Variants in MAGI2 observed in about 807,000 individuals in gnomAD.
MAGI2 encodes the protein membrane-associated guanylate kinase, WW and PDZ domain-containing protein 2.
In MAGI2, 35 loss-of-function variants were observed where a neutral mutation model predicts 133.3. The ratio of observed to expected loss-of-function variants is 0.26; its 90% confidence interval spans 0.20 to 0.35. MAGI2 has a LOEUF of 0.35. Ranked by LOEUF, MAGI2 falls within the 10% of genes least tolerant of loss-of-function variation. The pLI is 1.00. For missense variants in MAGI2, 1,636 were observed against 1,863.4 expected (o/e 0.88, Z 2.25); for synonymous variants, 729 against 710.6 (o/e 1.03, Z -0.41).
At chr7:78,103,449 A>G (rs1003151757) in intron 20 of MAGI2, among the ~76,000 whole-genome samples, 13 of 152,236 alleles carry the variant, frequency 8.5e-5, no homozygotes, top group African/African-American at 2.9e-4. Context: ...TTTCATCATC[A>G]TCATACTTGC....
intron 4 of MAGI2, 60 bp from the exon 5 acceptor site, chr7:78,501,847 A>G: frequency 8.0e-7 from 1 of 1,248,616 alleles, no homozygotes; most frequent in East Asian, 2.4e-5. Flanking sequence ...TGGACTGAGT[A>G]TGGAGAATGC....
intron 2 of MAGI2, among the ~76,000 whole-genome samples, chr7:78,671,496 T>C (rs1249662536): frequency 1.3e-5 from 2 of 152,148 alleles, no homozygotes; most frequent in Non-Finnish European, 2.9e-5. Context: ...CAATTTCAAC[T>C]TCTCATTTAA....
chr7:78,235,337 G>A (rs1790416055), intron 10 of MAGI2, among the ~76,000 whole-genome samples: 1 of 152,272 alleles, frequency 6.6e-6, no homozygotes, highest in East Asian at 1.9e-4. Flanking sequence ...GAAGGGGGCA[G>A]GAAATAGGTT....
chr7:78,310,786 C>A (rs1798636583), intron 9 of MAGI2, among the ~76,000 whole-genome samples: 1 of 151,942 alleles, frequency 6.6e-6, no homozygotes, highest in African/African-American at 2.4e-5. Context: ...GCAATACTAG[C>A]AATAAAAAAG....
At chr7:78,516,552 C>A (rs1796060495) in intron 4 of MAGI2, among the ~76,000 whole-genome samples, 1 of 152,088 alleles carries the variant, frequency 6.6e-6, no homozygotes, top group Non-Finnish European at 1.5e-5. Context: ...AGGATTTTGT[C>A]ATGTTGCCCA....
At chr7:78,054,165 G>A (rs1344772094) in intron 21 of MAGI2, among the ~76,000 whole-genome samples, 1 of 151,968 alleles carries the variant, frequency 6.6e-6, no homozygotes, top group Non-Finnish European at 1.5e-5. Flanking sequence ...TCGATCTGTC[G>A]CCCAGGTTGG....
In MAGI2 at chr7:78,787,334, G is replaced by A. The variant is rs550996497; in HGVS notation, c.419-160095C>T. On this transcript the variant is annotated intron_variant, in intron 2 of 21. Transcript: ENST00000354212. ...GACTGTGGATGGGGATGAGAAGTAT[G>A]GAGGCCATTTTTTGGAACAGGGAAT... Among the ~76,000 whole-genome samples the A allele has an allele frequency of 3.9e-5, 6 of 152,262 alleles. No individual in the cohort carries two copies. In the South Asian group the frequency reaches 1.2e-3, roughly 32 times the overall value.
chr7:78,917,390 T>C (rs1160735183), intron 2 of MAGI2, among the ~76,000 whole-genome samples: 1 of 151,978 alleles, frequency 6.6e-6, no homozygotes, highest in Non-Finnish European at 1.5e-5. Context: ...AAGGGTTGAA[T>C]GTGGTCTCCC....
chr7:78,317,129 C>A (rs1787495785), intron 9 of MAGI2, among the ~76,000 whole-genome samples: 2 of 152,048 alleles, frequency 1.3e-5, no homozygotes, highest in Non-Finnish European at 2.9e-5. Context: ...TTGATTTTTT[C>A]TTTTGCATTT....
At chr7:79,103,819 C>T (rs1244568137) in intron 1 of MAGI2, among the ~76,000 whole-genome samples, 2 of 152,092 alleles carry the variant, frequency 1.3e-5, no homozygotes, top group African/African-American at 2.4e-5. Flanking sequence ...ACTGCCTCAG[C>T]CTCCCGAGTA....
At chr7:79,052,377 G>A (rs971241540) in intron 1 of MAGI2, among the ~76,000 whole-genome samples, 2 of 152,178 alleles carry the variant, frequency 1.3e-5, no homozygotes, top group Non-Finnish European at 2.9e-5. Context: ...TTGCAAGACA[G>A]TGAAAGCACA....
At chr7:78,994,498 A>G (rs185407594) in intron 2 of MAGI2, among the ~76,000 whole-genome samples, 102 of 152,234 alleles carry the variant, frequency 6.7e-4, no homozygotes, top group Non-Finnish European at 1.1e-3. Context: ...TGGAAACATT[A>G]GACAGTAAAT....
intron 2 of MAGI2, among the ~76,000 whole-genome samples, chr7:78,933,071 G>A (rs1442616185): frequency 1.3e-5 from 2 of 152,060 alleles, no homozygotes; most frequent in African/African-American, 4.8e-5. Flanking sequence ...AAAAGGCATG[G>A]ATCAAAAAGG....
At chr7:78,139,179 C>A (rs567714555) in intron 16 of MAGI2, among the ~76,000 whole-genome samples, 1 of 152,260 alleles carries the variant, frequency 6.6e-6, no homozygotes, top group East Asian at 1.9e-4. Flanking sequence ...TGTAAGTGAG[C>A]ACACAGTTTA....
intron 6 of MAGI2, among the ~76,000 whole-genome samples, chr7:78,434,608 C>T (rs1800105229): frequency 6.6e-6 from 1 of 152,100 alleles, no homozygotes; most frequent in African/African-American, 2.4e-5. Flanking sequence ...CTCTACTTTA[C>T]TCCATCTCCT....
At chr7:79,391,540 C>CATAA (rs1844645601) in intron 1 of MAGI2, among the ~76,000 whole-genome samples, 1 of 46,704 alleles carries the variant, frequency 2.1e-5, no homozygotes, top group African/African-American at 1.8e-4. Flanking sequence ...TATATATAGA[C>CATAA]ATATATATAT....
At chr7:78,657,275 T>C (rs1812403685) in intron 2 of MAGI2, among the ~76,000 whole-genome samples, 2 of 152,184 alleles carry the variant, frequency 1.3e-5, no homozygotes, top group Admixed American at 6.5e-5. Context: ...CAGTTTCTAA[T>C]GATACTAAAC....
At chr7:78,999,300 T>G in intron 2 of MAGI2, among the ~76,000 whole-genome samples, 1 of 151,960 alleles carries the variant, frequency 6.6e-6, no homozygotes, top group Admixed American at 6.6e-5. Context: ...TTGGTGCTTA[T>G]TCCTTTTTTT....
intron 7 of MAGI2, among the ~76,000 whole-genome samples, chr7:78,354,711 T>C (rs1049900897): frequency 6.6e-6 from 1 of 152,160 alleles, no homozygotes; most frequent in Non-Finnish European, 1.5e-5. Flanking sequence ...ATCAAATATA[T>C]AGCAATTCCT....
Sources: allele counts gnomAD v4.1 joint callset (sites outside exome capture counted in the v4.1 genomes callset), GRCh38; gene constraint gnomAD v4.1.1; transcripts MANE v1.5; gene names NCBI Gene and HGNC (gene_info 2026-07-23, HGNC 2026-07-21).